The following ATAD2B variants were observed in gnomAD, a reference collection of about 807,000 sequenced individuals.
ATAD2B encodes ATPase family AAA domain-containing protein 2B.
Under a neutral mutation model 167.6 loss-of-function variants are expected in ATAD2B, and 40 were observed. The observed-to-expected ratio is 0.24, with a 90% CI of 0.19 to 0.31. The LOEUF is 0.31. Ranked by LOEUF, ATAD2B falls within the 10% of genes least tolerant of loss-of-function variation. The pLI, the probability that ATAD2B is intolerant of heterozygous loss-of-function variation, is 1.00. For missense variants in ATAD2B, 1,242 were observed against 1,757.2 expected (o/e 0.71, Z 5.24); for synonymous variants, 579 against 596.5 (o/e 0.97, Z 0.43).
rs144380144 is a variant in ATAD2B at position 23,887,106 on chromosome 2, T to A, written c.572+726A>T. ...GGTGAAACCCCGTCTTTACTAAAAA[T>A]ACAAAAAATTAGTCGGGCATGGTGG... On this transcript the variant is annotated intron_variant, in intron 4 of 27. Coordinates refer to ENST00000238789, the MANE Select transcript of ATAD2B (RefSeq NM_017552.4). Among the ~76,000 whole-genome samples, 9 of 152,084 alleles carry A rather than the reference T, an allele frequency of 5.9e-5. No individual in the cohort carries two copies. The East Asian group carries it at 1.7e-3, about 29-fold the overall frequency.
At chr2:23,893,661 A>C (rs1370560680) in intron 2 of ATAD2B, among the ~76,000 whole-genome samples, 1 of 149,966 alleles carries the variant, frequency 6.7e-6, no homozygotes, top group African/African-American at 2.5e-5. Context: ...CTAAAAAAAA[A>C]AAAAACTTTT....
chr2:23,887,127 G>A (rs1168486503), intron 4 of ATAD2B, among the ~76,000 whole-genome samples: 1 of 152,016 alleles, frequency 6.6e-6, no homozygotes, highest in Admixed American at 6.6e-5. Context: ...AGTCGGGCAT[G>A]GTGGCACGCG....
At chr2:23,743,896 G>A (rs531983447), downstream of ATAD2B, among the ~76,000 whole-genome samples, 14 of 152,184 alleles carry the variant, frequency 9.2e-5, no homozygotes, top group Admixed American at 7.2e-4. Flanking sequence ...AAAATGCTGG[G>A]AATAAAGGCG....
intron 1 of ATAD2B, among the ~76,000 whole-genome samples, chr2:23,918,248 T>C (rs1314406344): frequency 6.7e-6 from 1 of 149,866 alleles, no homozygotes; most frequent in Non-Finnish European, 1.5e-5. Flanking sequence ...AACACATGTC[T>C]GTAGTCCCAG....
At chr2:23,696,685 G>GT in the ATAD2B span, 2 of 578,260 alleles carry the variant, frequency 3.5e-6, no homozygotes, top group African/African-American at 3.8e-5. This position sits in a 1 kb window ranked among gnomAD's most constrained non-coding sequence, Gnocchi z 5.5. Context: ...GCAGCAGGGT[G>GT]TGGGATACAA....
intron 1 of ATAD2B, 81 bp downstream of exon 1, chr2:23,926,474 T>C (rs890372246): frequency 1.4e-5 from 21 of 1,493,388 alleles, no homozygotes; most frequent in East Asian, 2.5e-5. Flanking sequence ...GTAGGCTTCC[T>C]ACCCCCAACC....
chr2:23,877,691 G>A (rs938879715), intron 7 of ATAD2B, among the ~76,000 whole-genome samples: 2 of 149,970 alleles, frequency 1.3e-5, no homozygotes, highest in Admixed American at 6.7e-5. Context: ...GGCCAAGATC[G>A]TGAAACCCCA....
At chr2:23,872,180 T>G (rs535637594) in intron 8 of ATAD2B, 11 of 299,450 alleles carry the variant, frequency 3.7e-5, no homozygotes, top group African/African-American at 2.2e-4. Context: ...CCAGCCTGTT[T>G]CTGTTTTTAT....
Position 23,871,885 on chromosome 2 carries a change from T to C in ATAD2B, c.978-2124A>G, listed in dbSNP as rs117609817. On this transcript the variant is annotated intron_variant, in intron 8 of 27. Coordinates refer to ENST00000238789, the MANE Select transcript of ATAD2B (RefSeq NM_017552.4). ...AAGGAATTGTTTTTGGGTTTGTTTT[T>C]CTTTTTTTTTGAGACAGAATCTCGC... Among the ~76,000 whole-genome samples the C allele has an allele frequency of 1.6e-3, 249 of 152,224 alleles. 1 individual carries two copies. Among genetic ancestry groups the C allele is most frequent in the East Asian group, 8.5e-3 (44 of 5,182 alleles).
At chr2:23,872,108 C>T (rs1479297433) in intron 8 of ATAD2B, among the ~76,000 whole-genome samples, 1 of 152,146 alleles carries the variant, frequency 6.6e-6, no homozygotes, top group Non-Finnish European at 1.5e-5. Context: ...GAACTCCTGA[C>T]CTCATGATTC....
chr2:23,810,462 A>G lies in ATAD2B; in HGVS notation c.2308T>C (p.Leu770=), dbSNP rs764926358. 1.2e-6 allele frequency: 2 copies of G among 1,613,848 alleles called. No individual in the cohort carries two copies. Among genetic ancestry groups the G allele is most frequent in the Non-Finnish European group, 8.5e-7 (1 of 1,179,848 alleles). The change falls in exon 18 of 28, where the codon TTG becomes CTG. Residue 770 remains leucine (L), a synonymous_variant. Coordinates refer to ENST00000238789, the MANE Select transcript of ATAD2B (RefSeq NM_017552.4). ...HQPTSYRPRL[L]LSGERGSGQT... is the part of the protein sequence containing the mutation. ...CCTGAGCCCCGTTCTCCAGAGAGCA[A>G]TAAGCGTGGCCTGTAAGAGGTTGGC...
At chr2:23,884,156 AT>A (rs1698363823) in intron 6 of ATAD2B, among the ~76,000 whole-genome samples, 1 of 152,066 alleles carries the variant, frequency 6.6e-6, no homozygotes, top group South Asian at 2.1e-4. Context: ...AAAAAAAAAG[AT>A]TAATGCCTAC....
chr2:23,715,907 A>T, the ATAD2B span, among the ~76,000 whole-genome samples: 1 of 152,334 alleles, frequency 6.6e-6, no homozygotes, highest in East Asian at 1.9e-4. Context: ...TCCATTAAAT[A>T]TGTGACATAA....
At chr2:23,917,095 T>A (rs948972439) in intron 1 of ATAD2B, among the ~76,000 whole-genome samples, 12 of 152,250 alleles carry the variant, frequency 7.9e-5, no homozygotes, top group Admixed American at 7.9e-4. Flanking sequence ...TCTATGATTT[T>A]GCAACTCAAA....
chr2:23,829,255 A>G lies in ATAD2B; in HGVS notation c.1729-316T>C, dbSNP rs1466450864. 5.3e-5 allele frequency among the ~76,000 whole-genome samples: 8 copies of G among 152,192 alleles called. No individual in the cohort carries two copies. In the East Asian group the frequency reaches 1.3e-3, roughly 26 times the overall value. On this transcript the variant is annotated intron_variant, in intron 14 of 27. Coordinates refer to ENST00000238789, the MANE Select transcript of ATAD2B (RefSeq NM_017552.4). ...TCATCTGGGACTAGAATTCAAAACT[A>G]TATTTCACTTTTCCACCATACCACT...
intron 16 of ATAD2B, among the ~76,000 whole-genome samples, chr2:23,820,623 G>A (rs905401264): frequency 2.0e-5 from 3 of 152,132 alleles, no homozygotes; most frequent in African/African-American, 4.8e-5. Flanking sequence ...AGAGAATTAA[G>A]ATTAAGAGAA....
At chr2:23,763,755 A>T (rs77011776) in intron 23 of ATAD2B, among the ~76,000 whole-genome samples, 5,694 of 152,086 alleles carry the variant, frequency 0.037, 168 homozygotes, top group East Asian at 0.14. Context: ...ACGCCTAGCT[A>T]ATATTTCTCA....
intron 22 of ATAD2B, among the ~76,000 whole-genome samples, chr2:23,774,990 G>GC (rs1019764870): frequency 4.6e-5 from 7 of 152,212 alleles, no homozygotes; most frequent in African/African-American, 1.7e-4. Context: ...TACACAAGAT[G>GC]CCTATACAGA....
chr2:23,840,298 C>A (rs1690672737), intron 13 of ATAD2B, among the ~76,000 whole-genome samples: 1 of 152,160 alleles, frequency 6.6e-6, no homozygotes, highest in Non-Finnish European at 1.5e-5. Flanking sequence ...TCTAAAAAAA[C>A]CAAAACATTA....
Sources: allele counts gnomAD v4.1 joint callset (sites outside exome capture counted in the v4.1 genomes callset), GRCh38; gene constraint gnomAD v4.1.1; non-coding constraint Gnocchi (gnomAD v3.1); transcripts MANE v1.5; gene names NCBI Gene and HGNC (gene_info 2026-07-23, HGNC 2026-07-21).